The following NELL2 variants were observed in gnomAD, a reference collection of about 807,000 sequenced individuals.
NELL2 encodes neural EGFL like 2, also known as protein kinase C-binding protein NELL2.
A neutral mutation model predicts 109.6 loss-of-function variants in NELL2; 41 were observed. The observed-to-expected ratio is 0.37, with a 90% CI of 0.29 to 0.49. The LOEUF (loss-of-function observed/expected upper bound fraction) is 0.49. Ranked by LOEUF, NELL2 falls within the 20% of genes least tolerant of loss-of-function variation. The pLI, the probability that NELL2 is intolerant of heterozygous loss-of-function variation, is 0.98. For missense variants in NELL2, 900 were observed against 1,008.3 expected (o/e 0.89, Z 1.45); for synonymous variants, 355 against 344.7 (o/e 1.03, Z -0.33).
chr12:44,750,200 A>G (rs1158371709), intron 9 of NELL2, among the ~76,000 whole-genome samples: 1 of 152,146 alleles, frequency 6.6e-6, no homozygotes, highest in Non-Finnish European at 1.5e-5. Flanking sequence ...AAGTTAACAA[A>G]TGTGTACTGT....
At chr12:44,627,313 T>C (rs752006996) in intron 13 of NELL2, among the ~76,000 whole-genome samples, 1 of 152,182 alleles carries the variant, frequency 6.6e-6, no homozygotes, top group Non-Finnish European at 1.5e-5. Flanking sequence ...TTTGCTTTAA[T>C]CTAATTTTTT....
intron 1 of NELL2, among the ~76,000 whole-genome samples, chr12:44,891,273 G>C (rs1353108428): frequency 6.6e-6 from 1 of 152,148 alleles, no homozygotes; most frequent in African/African-American, 2.4e-5. Context: ...CAAATAGACT[G>C]GCACCCAGAA....
intron 13 of NELL2, among the ~76,000 whole-genome samples, chr12:44,615,273 TTAAAAA>T (rs1945778711): frequency 6.6e-6 from 1 of 151,996 alleles, no homozygotes; most frequent in Non-Finnish European, 1.5e-5. Context: ...AGATTCCCAA[TTAAAAA>T]CACCATTCAC....
Position 44,874,981 on chromosome 12 carries a change from C to G in NELL2, c.184+244G>C, listed in dbSNP as rs138649317. 872 of 402,312 alleles carry G rather than the reference C, an allele frequency of 2.2e-3. 7 individuals are homozygous for G. The highest frequency in any genetic ancestry group is 0.016 in the African/African-American group (782 of 49,364). 24.9% of individuals were successfully genotyped at this position (402,312 alleles called of 1,614,324 possible). ...ACCATCTGCCATAGGAGTTTCTGCT[C>G]AGTAATTAAGGGACTATCCATTAGA... On this transcript the variant is annotated intron_variant, in intron 2 of 19. Transcript: ENST00000429094.
intron 19 of NELL2, among the ~76,000 whole-genome samples, chr12:44,517,376 TC>T (rs1403622788): frequency 4.7e-4 from 5 of 10,594 alleles, no homozygotes; most frequent in East Asian, 2.2e-3. Context: ...CTACTTTCTC[TC>T]TCTCTCTCTC....
chr12:44,876,761 G>C, upstream of NELL2: 2 of 1,473,998 alleles, frequency 1.4e-6, no homozygotes, highest in Non-Finnish European at 1.8e-6. Flanking sequence ...GCAGCCCCGG[G>C]GTGCAGGGCA....
intron 15 of NELL2, among the ~76,000 whole-genome samples, chr12:44,539,555 C>A (rs1020204228): frequency 1.3e-5 from 2 of 151,870 alleles, no homozygotes; most frequent in African/African-American, 4.8e-5. Context: ...TGTTTTATTA[C>A]TTTATCTTTT....
intron 15 of NELL2, among the ~76,000 whole-genome samples, chr12:44,552,994 T>C (rs1420182571): frequency 6.6e-6 from 1 of 151,786 alleles, no homozygotes; most frequent in Non-Finnish European, 1.5e-5. Context: ...CTAGAAACCA[T>C]CATTCTCAGT....
At chr12:44,763,628 C>T (rs560920523) in intron 9 of NELL2, among the ~76,000 whole-genome samples, 5 of 152,262 alleles carry the variant, frequency 3.3e-5, no homozygotes, top group Admixed American at 2.6e-4. Context: ...GGGCCATCTG[C>T]AAACACTTGC....
intron 1 of NELL2, among the ~76,000 whole-genome samples, chr12:44,910,802 G>A (rs1485739564): frequency 3.3e-5 from 5 of 151,858 alleles, no homozygotes; most frequent in East Asian, 1.9e-4. Context: ...CATGTTCTTC[G>A]CAGCAATATG....
At chr12:44,723,950 C>T (rs1566242484) in intron 9 of NELL2, among the ~76,000 whole-genome samples, 1 of 152,044 alleles carries the variant, frequency 6.6e-6, no homozygotes, top group African/African-American at 2.4e-5. Context: ...TGAATGTTCA[C>T]TGCAGCACTA....
chr12:44,902,488 TA>T (rs1945672159), intron 1 of NELL2, among the ~76,000 whole-genome samples: 1 of 152,202 alleles, frequency 6.6e-6, no homozygotes, highest in Non-Finnish European at 1.5e-5. Context: ...CAAAGTAATG[TA>T]TAGATTCAAT....
intron 9 of NELL2, among the ~76,000 whole-genome samples, chr12:44,740,113 C>T (rs190314405): frequency 5.3e-5 from 8 of 152,210 alleles, no homozygotes; most frequent in Admixed American, 1.3e-4. Context: ...ACAGGCAAAA[C>T]ATAGTAATCC....
At chr12:44,724,827 A>AAG (rs1052382960) in intron 9 of NELL2, among the ~76,000 whole-genome samples, 3 of 151,766 alleles carry the variant, frequency 2.0e-5, no homozygotes, top group African/African-American at 7.3e-5. Context: ...GAAAAAAAAA[A>AAG]AAAAAAGGCT....
At chr12:44,916,486 C>A (rs1945829788), upstream of NELL2, among the ~76,000 whole-genome samples, 1 of 152,026 alleles carries the variant, frequency 6.6e-6, no homozygotes, top group African/African-American at 2.4e-5. Context: ...CAAGAGAATT[C>A]CAGAAATATG....
At chr12:44,675,755 A>G (rs1210828535) in intron 12 of NELL2, among the ~76,000 whole-genome samples, 2 of 152,274 alleles carry the variant, frequency 1.3e-5, no homozygotes, top group African/African-American at 2.4e-5. Context: ...AAAATGGGAA[A>G]GGTTTTAAGA....
chr12:44,912,041 G>T (rs1289272440), intron 1 of NELL2, among the ~76,000 whole-genome samples: 1 of 151,730 alleles, frequency 6.6e-6, no homozygotes, highest in Non-Finnish European at 1.5e-5. Context: ...TTGAGTTGGA[G>T]CTCAGGTTGA....
intron 15 of NELL2, among the ~76,000 whole-genome samples, chr12:44,567,944 A>T (rs1192020649): frequency 6.6e-6 from 1 of 152,160 alleles, no homozygotes; most frequent in Non-Finnish European, 1.5e-5. Context: ...TTAAAGTTGA[A>T]AGGGGTATAC....
intron 15 of NELL2, among the ~76,000 whole-genome samples, chr12:44,583,364 A>G (rs2136213913): frequency 6.6e-6 from 1 of 152,306 alleles, no homozygotes; most frequent in East Asian, 1.9e-4. Flanking sequence ...GCTACAAATT[A>G]TTTGTTTCCA....
Sources: gnomAD v4.1 joint callset for allele counts (sites outside exome capture counted in the v4.1 genomes callset) on GRCh38, gnomAD v4.1.1 for gene constraint, MANE v1.5 for transcripts, NCBI Gene and HGNC (gene_info 2026-07-23, HGNC 2026-07-21) for gene names.